Variants in ROBO1 observed in about 807,000 individuals in gnomAD.
ROBO1 encodes the protein roundabout guidance receptor 1.
A neutral mutation model predicts 195.9 loss-of-function variants in ROBO1; 149 were observed. The ratio of observed to expected loss-of-function variants is 0.76; its 90% CI spans 0.67 to 0.87. The LOEUF is 0.87. ROBO1 is among the 40% of genes least tolerant of loss of function. The pLI, the probability that ROBO1 is intolerant of heterozygous loss-of-function variation, is 0.00. For synonymous variants in ROBO1, 816 were observed against 733.2 expected (o/e 1.11, Z -1.82); for missense variants, 1,933 against 2,068.3 (o/e 0.93, Z 1.27).
intron 2 of ROBO1, among the ~76,000 whole-genome samples, chr3:79,405,100 C>T (rs1339419835): frequency 6.6e-6 from 1 of 152,068 alleles, no homozygotes; most frequent in Non-Finnish European, 1.5e-5. Flanking sequence ...TATATATAAA[C>T]ATTGTTTCTT....
At position 78,617,917 on chromosome 3, in the gene ROBO1, C is replaced by T. The variant is rs1465295594; in HGVS notation, c.4000G>A (p.Ala1334Thr). The T allele has an allele frequency of 1.9e-6, 3 of 1,613,998 alleles. No individual in the cohort carries two copies. The South Asian group carries it at 3.3e-5, about 18-fold the overall frequency. The change falls in exon 27 of 31, where the codon GCC becomes ACC. Residue 1334 changes from alanine (A) to threonine (T), a missense_variant. By Grantham distance (58) the Ala-to-Thr change is moderately conservative (BLOSUM62 0). Coordinates refer to ENST00000464233, the MANE Select transcript of ROBO1 (RefSeq NM_002941.4). ...TDAPEEEEDE[A>T]DMEVAKMQTR... ...TGCATCTTGGCTACCTCCATGTCGG[C>T]TTCGTCTTCTTCCTCTTCTGGCGCA...
chr3:78,918,311 T>C (rs1309306547), intron 4 of ROBO1, among the ~76,000 whole-genome samples: 2 of 152,064 alleles, frequency 1.3e-5, no homozygotes, highest in Non-Finnish European at 2.9e-5. Context: ...AAGAGAAATA[T>C]ATAAAAATTT....
intron 10 of ROBO1, among the ~76,000 whole-genome samples, chr3:78,682,629 T>G (rs1037513593): frequency 2.7e-5 from 4 of 147,784 alleles, no homozygotes; most frequent in Non-Finnish European, 6.0e-5. Flanking sequence ...ATATTTGATA[T>G]ATAATAAATA....
intron 2 of ROBO1, among the ~76,000 whole-genome samples, chr3:79,552,179 C>G (rs1397333691): frequency 6.6e-6 from 1 of 151,864 alleles, no homozygotes; most frequent in Non-Finnish European, 1.5e-5. Flanking sequence ...TAATCACACA[C>G]ATGGGCACAC....
At chr3:78,919,266 A>G (rs2038806114) in intron 4 of ROBO1, among the ~76,000 whole-genome samples, 1 of 152,192 alleles carries the variant, frequency 6.6e-6, no homozygotes, top group Non-Finnish European at 1.5e-5. Context: ...TAGACAGTGC[A>G]AGGCCAGACT....
rs200634124 is a variant in ROBO1, at chr3:79,668,840, GAATA to G, written c.-50-78883_-50-78880del. Among the ~76,000 whole-genome samples the G allele has an allele frequency of 9.3e-3, 1,415 of 151,934 alleles. 10 individuals are homozygous for G. The highest frequency in any genetic ancestry group is 0.034 in the Middle Eastern group (10 of 294). ...GAAATTTCGGCTTCAAAGAAAACGG[GAATA>G]GATATCAACAGCCAAAGACCAATGG... On this transcript the variant is annotated intron_variant, in intron 1 of 30. Coordinates refer to ENST00000464233, the MANE Select transcript of ROBO1 (RefSeq NM_002941.4).
rs552947378 is a variant in ROBO1, at chr3:79,555,554, T to A, written c.88+34270A>T. Among the ~76,000 whole-genome samples the A allele has an allele frequency of 4.6e-5, 7 of 152,240 alleles. No homozygotes were observed. In the South Asian group the frequency reaches 1.0e-3, roughly 23 times the overall value. ...AATGAAATTCTGGTAGTAACATAAA[T>A]TAACTTCCAAAACTGTGTTGGATTG... On this transcript the variant is annotated intron_variant, in intron 2 of 30. Transcript: ENST00000464233.
chr3:78,713,105 C>G (rs2081805735), intron 8 of ROBO1, among the ~76,000 whole-genome samples: 1 of 152,090 alleles, frequency 6.6e-6, no homozygotes, highest in African/African-American at 2.4e-5. Flanking sequence ...TAGTTTTAGC[C>G]TTACTTGGAG....
At chr3:79,424,471 C>T (rs1361857583) in intron 2 of ROBO1, among the ~76,000 whole-genome samples, 1 of 151,820 alleles carries the variant, frequency 6.6e-6, no homozygotes, top group Non-Finnish European at 1.5e-5. Flanking sequence ...ATGAAAATGA[C>T]CTATTAGTCA....
At chr3:78,761,929 G>A (rs2083115172) in intron 4 of ROBO1, among the ~76,000 whole-genome samples, 1 of 151,932 alleles carries the variant, frequency 6.6e-6, no homozygotes, top group Non-Finnish European at 1.5e-5. Context: ...TAAATGTTAG[G>A]TTTGTAAAAT....
chr3:79,106,158 T>G (rs2079775467), intron 3 of ROBO1, among the ~76,000 whole-genome samples: 1 of 151,710 alleles, frequency 6.6e-6, no homozygotes, highest in South Asian at 2.1e-4. Flanking sequence ...AACAAGCAAA[T>G]TGTCTGCTTT....
At chr3:79,602,648 CAAATT>C (rs1944371572) in intron 1 of ROBO1, among the ~76,000 whole-genome samples, 1 of 151,876 alleles carries the variant, frequency 6.6e-6, no homozygotes, top group South Asian at 2.1e-4. Flanking sequence ...AGTTGGATTG[CAAATT>C]AATTTAATTT....
At chr3:79,161,339 T>C (rs2080961737) in intron 2 of ROBO1, among the ~76,000 whole-genome samples, 1 of 151,274 alleles carries the variant, frequency 6.6e-6, no homozygotes. Context: ...ACAAGTCAAG[T>C]TGATGTATTT....
intron 2 of ROBO1, among the ~76,000 whole-genome samples, chr3:79,168,160 C>T (rs1419831693): frequency 2.6e-5 from 4 of 152,114 alleles, no homozygotes; most frequent in African/African-American, 4.8e-5. Flanking sequence ...ACAACCCTAT[C>T]GGCCTGTGTG....
intron 4 of ROBO1, among the ~76,000 whole-genome samples, chr3:78,747,722 A>C (rs530432914): frequency 6.6e-6 from 1 of 152,314 alleles, no homozygotes; most frequent in South Asian, 2.1e-4. Flanking sequence ...ACTGGATACT[A>C]ATATAATATT....
chr3:79,372,283 T>A (rs939859791), intron 2 of ROBO1, among the ~76,000 whole-genome samples: 2 of 151,784 alleles, frequency 1.3e-5, no homozygotes, highest in Admixed American at 6.6e-5. Flanking sequence ...CTCAGTTCAC[T>A]GCAACCTCCG....
intron 2 of ROBO1, among the ~76,000 whole-genome samples, chr3:79,319,629 G>A (rs140805038): frequency 6.6e-5 from 10 of 152,044 alleles, no homozygotes; most frequent in Admixed American, 5.9e-4. Flanking sequence ...GCCTAAAAGT[G>A]GGATGAAAAT....
At chr3:79,728,750 C>T (rs6548650) in intron 1 of ROBO1, among the ~76,000 whole-genome samples, 92,274 of 151,774 alleles carry the variant, frequency 0.61, 28,651 homozygotes, top group East Asian at 0.91. Context: ...TCAAATTGTT[C>T]CCAGTTAAAA....
intron 1 of ROBO1, among the ~76,000 whole-genome samples, chr3:79,592,171 G>A (rs1944018179): frequency 1.3e-5 from 2 of 151,626 alleles, no homozygotes; most frequent in Admixed American, 6.6e-5. Context: ...TTTGTAGCAG[G>A]CAGCTATTGA....
Sources: gnomAD v4.1 joint callset for allele counts (sites outside exome capture counted in the v4.1 genomes callset) on GRCh38, gnomAD v4.1.1 for gene constraint, MANE v1.5 for transcripts, NCBI Gene and HGNC (gene_info 2026-07-23, HGNC 2026-07-21) for gene names.